LRMDA: variants seen among roughly 807,000 people sequenced by gnomAD.
LRMDA encodes the protein leucine rich melanocyte differentiation associated.
A neutral mutation model predicts 29.8 loss-of-function variants in LRMDA; 18 were observed. The observed-to-expected ratio is 0.60, with a 90% CI of 0.42 to 0.90. LRMDA has a LOEUF of 0.90. Ranked by LOEUF, LRMDA falls within the 40% of genes least tolerant of loss-of-function variation. The pLI is 0.00. For synonymous variants in LRMDA, 125 were observed against 109.4 expected, an observed-to-expected ratio of 1.14 and a Z score of -0.89; for missense variants, 273 against 273.9, an observed-to-expected ratio of 1.00 and a Z score of 0.02.
At chr10:75,509,952 T>A (rs1276214986) in intron 2 of LRMDA, among the ~76,000 whole-genome samples, 1 of 152,178 alleles carries the variant, frequency 6.6e-6, no homozygotes, top group African/African-American at 2.4e-5. Context: ...GCCCACCCAG[T>A]CTATTTTTTC....
intron 2 of LRMDA, among the ~76,000 whole-genome samples, chr10:75,749,021 A>G (rs1206916811): frequency 3.3e-5 from 5 of 152,128 alleles, no homozygotes; most frequent in African/African-American, 1.2e-4. Flanking sequence ...GGATCCACTT[A>G]TATGTGGATT....
At chr10:75,751,151 CA>C (rs1842963457) in intron 2 of LRMDA, among the ~76,000 whole-genome samples, 1 of 152,146 alleles carries the variant, frequency 6.6e-6, no homozygotes, top group East Asian at 1.9e-4. Flanking sequence ...CCGTCTCCAC[CA>C]AAAAATACAA....
chr10:76,458,035 A>T (rs1380015484), intron 6 of LRMDA, among the ~76,000 whole-genome samples: 2 of 150,816 alleles, frequency 1.3e-5, no homozygotes, highest in Non-Finnish European at 3.0e-5. Context: ...TCAACCTGGA[A>T]CTCCTCTAAC....
intron 2 of LRMDA, among the ~76,000 whole-genome samples, chr10:75,484,247 C>T (rs1220835805): frequency 1.3e-4 from 20 of 152,168 alleles, no homozygotes; most frequent in Admixed American, 1.3e-3. Flanking sequence ...TGTGCTACTG[C>T]ACCTGGCCCT....
At chr10:75,770,541 A>C (rs1843226017) in intron 2 of LRMDA, among the ~76,000 whole-genome samples, 1 of 152,246 alleles carries the variant, frequency 6.6e-6, no homozygotes, top group East Asian at 1.9e-4. Context: ...TTCTTTTCCC[A>C]GAGGCCACCA....
At chr10:75,569,104 G>C (rs114440778) in intron 2 of LRMDA, among the ~76,000 whole-genome samples, 2 of 152,168 alleles carry the variant, frequency 1.3e-5, no homozygotes, top group Non-Finnish European at 2.9e-5. Context: ...TCTCTTCTCT[G>C]TGGGGCCTCT....
intron 6 of LRMDA, among the ~76,000 whole-genome samples, chr10:76,474,438 G>A (rs1842647323): frequency 6.6e-6 from 1 of 151,486 alleles, no homozygotes; most frequent in South Asian, 2.1e-4. Flanking sequence ...AGTGTGAAAA[G>A]ATAACCTCTA....
intron 5 of LRMDA, among the ~76,000 whole-genome samples, chr10:76,260,145 A>G (rs554486987): frequency 1.3e-5 from 2 of 152,000 alleles, no homozygotes; most frequent in African/African-American, 4.8e-5. Flanking sequence ...GTTGTTTGGT[A>G]TATTTTGTTC....
At chr10:75,679,286 A>G (rs1454644627) in intron 2 of LRMDA, among the ~76,000 whole-genome samples, 2 of 152,204 alleles carry the variant, frequency 1.3e-5, no homozygotes, top group Non-Finnish European at 2.9e-5. Context: ...TGTGCTAGGC[A>G]TTGTGGTAAG....
intron 2 of LRMDA, among the ~76,000 whole-genome samples, chr10:75,513,966 G>T (rs914096640): frequency 1.3e-5 from 2 of 152,150 alleles, no homozygotes; most frequent in African/African-American, 4.8e-5. Flanking sequence ...AAGACATCAG[G>T]TGGTAAACAT....
intron 5 of LRMDA, among the ~76,000 whole-genome samples, chr10:76,157,923 C>T (rs1250779852): frequency 6.6e-6 from 1 of 152,016 alleles, no homozygotes; most frequent in Non-Finnish European, 1.5e-5. Context: ...ACAGCATGTT[C>T]CTGTACAGAA....
intron 5 of LRMDA, among the ~76,000 whole-genome samples, chr10:76,120,237 G>A (rs1849759568): frequency 6.7e-6 from 1 of 148,712 alleles, no homozygotes; most frequent in Non-Finnish European, 1.5e-5. Flanking sequence ...CACCCAGGCT[G>A]GAGTACAGTG....
intron 2 of LRMDA, among the ~76,000 whole-genome samples, chr10:75,874,646 G>T (rs766024872): frequency 6.6e-6 from 1 of 152,144 alleles, no homozygotes; most frequent in Non-Finnish European, 1.5e-5. Context: ...AGAGACCTAG[G>T]TATTATGGCT....
At chr10:76,117,832 T>A (rs1252962834) in intron 5 of LRMDA, among the ~76,000 whole-genome samples, 1 of 152,140 alleles carries the variant, frequency 6.6e-6, no homozygotes, top group Non-Finnish European at 1.5e-5. Flanking sequence ...TGTAGTGTGG[T>A]GGTGGTGAAG....
chr10:76,214,927 G>C (rs1331546656), intron 5 of LRMDA, among the ~76,000 whole-genome samples: 1 of 152,186 alleles, frequency 6.6e-6, no homozygotes, highest in Non-Finnish European at 1.5e-5. Flanking sequence ...CATAAATTCT[G>C]CCTGGATTAA....
intron 5 of LRMDA, among the ~76,000 whole-genome samples, chr10:76,230,242 G>T (rs1461965137): frequency 6.6e-6 from 1 of 152,140 alleles, no homozygotes; most frequent in Non-Finnish European, 1.5e-5. Flanking sequence ...TAATTCAGTT[G>T]CTTCCACACA....
intron 5 of LRMDA, among the ~76,000 whole-genome samples, chr10:76,101,204 T>A (rs1849389573): frequency 6.6e-6 from 1 of 152,200 alleles, no homozygotes; most frequent in South Asian, 2.1e-4. Flanking sequence ...GATAGGAAAT[T>A]TAATATAAAC....
intron 2 of LRMDA, among the ~76,000 whole-genome samples, chr10:76,018,370 G>A (rs979297781): frequency 6.6e-6 from 1 of 152,182 alleles, no homozygotes; most frequent in African/African-American, 2.4e-5. Flanking sequence ...AGTCCCTTGG[G>A]GAACAACATA....
chr10:75,791,421 T>A (rs1843562994), intron 2 of LRMDA, among the ~76,000 whole-genome samples: 1 of 152,206 alleles, frequency 6.6e-6, no homozygotes, highest in Admixed American at 6.5e-5. Flanking sequence ...ATTATCATTA[T>A]TTTTTAATAA....
Sources: allele counts gnomAD v4.1 joint callset (sites outside exome capture counted in the v4.1 genomes callset), GRCh38; gene constraint gnomAD v4.1.1; transcripts MANE v1.5; gene names NCBI Gene and HGNC (gene_info 2026-07-23, HGNC 2026-07-21).